TSEN2: variants seen among roughly 807,000 people sequenced by gnomAD.
TSEN2 encodes tRNA splicing endonuclease subunit 2.
In TSEN2, 54 loss-of-function variants were observed where a neutral mutation model predicts 59.2. The ratio of observed to expected loss-of-function variants is 0.91; its 90% CI spans 0.73 to 1.14. The LOEUF is 1.14. Among genes scored for constraint, TSEN2 ranks in the 50% most tolerant of loss-of-function variants. The pLI is 0.00. For synonymous variants in TSEN2, 195 were observed against 198.2 expected, an observed-to-expected ratio of 0.98 and a Z score of 0.14; for missense variants, 636 against 576.2, an observed-to-expected ratio of 1.10 and a Z score of -1.06.
intron 4 of TSEN2, among the ~76,000 whole-genome samples, chr3:12,497,161 C>A (rs1439719640): frequency 6.6e-6 from 1 of 152,210 alleles, no homozygotes; most frequent in African/African-American, 2.4e-5. Flanking sequence ...ATGTGTCATA[C>A]GTGGGTTTAG....
At chr3:12,526,789 T>A (rs2057119154) in intron 8 of TSEN2, among the ~76,000 whole-genome samples, 1 of 152,254 alleles carries the variant, frequency 6.6e-6, no homozygotes, top group South Asian at 2.1e-4. Context: ...CTGCCAGTGT[T>A]CTTGCTTAAA....
intron 6 of TSEN2, among the ~76,000 whole-genome samples, chr3:12,512,773 T>C (rs1395857903): frequency 2.6e-5 from 4 of 152,262 alleles, no homozygotes; most frequent in African/African-American, 9.6e-5. Context: ...GGTGATGATT[T>C]AATGTTCAGT....
intron 3 of TSEN2, 124 bp from the exon 4 acceptor site, chr3:12,496,393 TG>T: frequency 9.8e-7 from 1 of 1,019,090 alleles, no homozygotes; most frequent in Admixed American, 1.7e-5. Flanking sequence ...CATTACTGAC[TG>T]GACAGTAAAC....
At chr3:12,494,252 AT>A (rs56129859) in intron 3 of TSEN2, among the ~76,000 whole-genome samples, 74,239 of 151,698 alleles carry the variant, frequency 0.49, 19,004 homozygotes, top group African/African-American at 0.61. Context: ...ATTAATCCAT[AT>A]AATGAAGGAC....
At chr3:12,501,584 T>C (rs1008435104) in intron 4 of TSEN2, among the ~76,000 whole-genome samples, 1 of 152,162 alleles carries the variant, frequency 6.6e-6, no homozygotes, top group Non-Finnish European at 1.5e-5. Flanking sequence ...GTGTGAGATA[T>C]AGCAGTTTGT....
chr3:12,482,190 C>T (rs993211982), upstream of TSEN2, among the ~76,000 whole-genome samples: 1 of 152,110 alleles, frequency 6.6e-6, no homozygotes, highest in African/African-American at 2.4e-5. Flanking sequence ...GGTGCAATCC[C>T]GACTCACCAC....
intron 4 of TSEN2, 69 bp from the exon 5 acceptor site, chr3:12,503,193 T>C (rs2054474851): frequency 6.3e-7 from 1 of 1,587,796 alleles, no homozygotes. Context: ...CCAGTCTGTT[T>C]TATGTGCTTT....
chr3:12,517,092 A>G (rs930976996), intron 7 of TSEN2, among the ~76,000 whole-genome samples: 10 of 152,206 alleles, frequency 6.6e-5, no homozygotes, highest in Non-Finnish European at 1.5e-4. Context: ...TCACGCCTGT[A>G]ATCCCAGCAC....
rs541007050 is a variant in TSEN2 at position 12,523,792 on chromosome 3, G to A, written c.1099+4595G>A. On this transcript the variant is annotated intron_variant, in intron 8 of 11. Transcript: ENST00000284995. ...TGACCTCAAGTGATCTGCCTGCCTC[G>A]GCCTCCCAAAGTGCTGGAATTACAG... Among the ~76,000 whole-genome samples, 1,081 of 151,750 alleles carry A rather than the reference G, an allele frequency of 7.1e-3. 9 individuals are homozygous for A. The highest frequency in any genetic ancestry group is 8.9e-3 in the Non-Finnish European group (604 of 67,926).
upstream of TSEN2, among the ~76,000 whole-genome samples, chr3:12,480,528 GTT>G (rs752340308): frequency 3.4e-4 from 31 of 91,738 alleles, no homozygotes; most frequent in Middle Eastern, 8.3e-3. Flanking sequence ...TTGTTTCTTT[GTT>G]TTTTTTTTTT....
intron 6 of TSEN2, among the ~76,000 whole-genome samples, chr3:12,508,393 AG>A (rs2055064581): frequency 6.6e-6 from 1 of 152,186 alleles, no homozygotes; most frequent in Non-Finnish European, 1.5e-5. Context: ...CGTTAAACCT[AG>A]CTCTACTTGT....
chr3:12,481,895 A>ATGTG (rs1303096487), upstream of TSEN2, among the ~76,000 whole-genome samples: 14 of 80,830 alleles, frequency 1.7e-4, no homozygotes, highest in Admixed American at 6.2e-4. Flanking sequence ...CACAGTTGAT[A>ATGTG]TATGTGTGTG....
chr3:12,496,495 CTAA>C lies in TSEN2; in HGVS notation c.272-20_272-18del. On this transcript the variant is annotated intron_variant, in intron 3 of 11. Coordinates refer to ENST00000284995, the MANE Select transcript of TSEN2 (RefSeq NM_025265.4). ...CCCCTTATGGGAAATTTGCCTGAAA[CTAA>C]TAGAACTTCTTTGTTCCAGATATGA... The C allele has an allele frequency of 1.2e-6, 2 of 1,613,788 alleles. No individual in the cohort carries two copies. The highest frequency in any genetic ancestry group is 2.7e-5 in the African/African-American group (2 of 75,050).
chr3:12,488,860 A>T (rs1407862268), intron 1 of TSEN2, among the ~76,000 whole-genome samples: 1 of 152,178 alleles, frequency 6.6e-6, no homozygotes, highest in Non-Finnish European at 1.5e-5. Flanking sequence ...AGTTCAACAG[A>T]CCTGGGTCAC....
In TSEN2 at chr3:12,520,599, G is replaced by A. The variant is rs571819804; in HGVS notation, c.1099+1402G>A. ...GAGGTCAGGAGTTTGAGACCAGCCT[G>A]ACCAACATGGTGAAACCCCGTTTCT... On this transcript the variant is annotated intron_variant, in intron 8 of 11. Transcript: ENST00000284995. Among the ~76,000 whole-genome samples the A allele has an allele frequency of 1.7e-4, 26 of 152,230 alleles. No homozygotes were observed. In the South Asian group the frequency reaches 5.4e-3, roughly 32 times the overall value.
chr3:12,533,139 T>C lies in TSEN2; in HGVS notation c.*418T>C. ...TCATACGCAGGCATCTCTTGTTACC[T>C]ACATCTAAGCTGTTCCCGAAAGAGT... is the stretch of plus-strand genomic sequence containing the variant. On this transcript the variant is annotated 3_prime_UTR_variant, in exon 12 of 12. Coordinates refer to ENST00000284995, the MANE Select transcript of TSEN2 (RefSeq NM_025265.4). The C allele has an allele frequency of 3.8e-6, 1 of 265,788 alleles. No individual in the cohort carries two copies. The highest frequency in any genetic ancestry group is 5.0e-5 in the South Asian group (1 of 20,130). The allele number at this position is 265,788 out of a possible 1,614,324, so 16.5% of individuals were successfully genotyped here. A position where few individuals can be genotyped will look rare whatever the true frequency, so the allele number is the denominator to read the frequency against.
intron 6 of TSEN2, among the ~76,000 whole-genome samples, chr3:12,514,453 A>G (rs147680576): frequency 7.2e-5 from 11 of 152,182 alleles, no homozygotes; most frequent in Admixed American, 1.3e-4. Flanking sequence ...GATGCTATGG[A>G]GAGTGGACTG....
chr3:12,520,290 G>A (rs1358646639), intron 8 of TSEN2, among the ~76,000 whole-genome samples: 1 of 152,166 alleles, frequency 6.6e-6, no homozygotes, highest in East Asian at 1.9e-4. Context: ...GAGCCACCAT[G>A]CCGGCCGTAT....
intron 4 of TSEN2, among the ~76,000 whole-genome samples, chr3:12,502,080 T>C (rs902645548): frequency 6.6e-6 from 1 of 152,242 alleles, no homozygotes; most frequent in African/African-American, 2.4e-5. Context: ...TTAGAATATG[T>C]GGATGAATCT....
Sources: allele counts gnomAD v4.1 joint callset (sites outside exome capture counted in the v4.1 genomes callset), GRCh38; gene constraint gnomAD v4.1.1; transcripts MANE v1.5; gene names NCBI Gene and HGNC (gene_info 2026-07-23, HGNC 2026-07-21).